The following PRR5L variants were observed in gnomAD, a reference collection of about 807,000 sequenced individuals.
PRR5L encodes proline rich 5 like.
Under a neutral mutation model 36.4 loss-of-function variants are expected in PRR5L, and 21 were observed. The observed-to-expected ratio is 0.58, with a 90% CI of 0.41 to 0.83. The LOEUF is 0.83. PRR5L is among the 40% of genes least tolerant of loss of function. The pLI, the probability that PRR5L is intolerant of heterozygous loss-of-function variation, is 0.00. For missense variants in PRR5L, 381 were observed against 473.3 expected, an observed-to-expected ratio of 0.80 and a Z score of 1.81; for synonymous variants, 188 against 197.0, an observed-to-expected ratio of 0.95 and a Z score of 0.38.
At chr11:36,432,863 A>G (rs1858530340) in intron 5 of PRR5L, among the ~76,000 whole-genome samples, 1 of 152,122 alleles carries the variant, frequency 6.6e-6, no homozygotes, top group Non-Finnish European at 1.5e-5. Context: ...AGGGGCTCCT[A>G]GAAAGACAAA....
At chr11:36,299,062 T>C (rs1856345365) in intron 1 of PRR5L, among the ~76,000 whole-genome samples, 1 of 152,228 alleles carries the variant, frequency 6.6e-6, no homozygotes, top group Non-Finnish European at 1.5e-5. Flanking sequence ...GGAGGATAGT[T>C]GAGGCCACAA....
rs78512042 is a variant in PRR5L at position 36,423,873 on chromosome 11, G to T, written c.294+4570G>T. Among the ~76,000 whole-genome samples, 3 of 152,164 alleles carry T rather than the reference G, an allele frequency of 2.0e-5. No homozygotes were observed. The South Asian group carries it at 6.2e-4, about 32-fold the overall frequency. ...TGGGGTGGCCTAGAAGCTCCCACTG[G>T]CCACTGTGAGGGGCGAGAATGAGGG... is the stretch of plus-strand genomic sequence containing the variant. On this transcript the variant is annotated intron_variant, in intron 4 of 8. Transcript: ENST00000530639.
chr11:36,303,089 C>T (rs1285011379), intron 1 of PRR5L, among the ~76,000 whole-genome samples: 1 of 152,178 alleles, frequency 6.6e-6, no homozygotes, highest in Non-Finnish European at 1.5e-5. Context: ...TGAGTTTAGT[C>T]TCTCTGTGTG....
intron 3 of PRR5L, among the ~76,000 whole-genome samples, chr11:36,414,080 A>T (rs939726140): frequency 2.0e-5 from 3 of 149,978 alleles, no homozygotes; most frequent in African/African-American, 7.5e-5. Flanking sequence ...TCCATGGTGT[A>T]TATGTGCCAC....
chr11:36,374,291 C>T (rs527612673), intron 1 of PRR5L, among the ~76,000 whole-genome samples: 8 of 152,096 alleles, frequency 5.3e-5, no homozygotes, highest in Non-Finnish European at 1.0e-4. Flanking sequence ...GATGGGGTTT[C>T]GCTATGTTGG....
chr11:36,336,977 T>TATAA (rs1345004362), intron 1 of PRR5L, among the ~76,000 whole-genome samples: 7 of 152,156 alleles, frequency 4.6e-5, no homozygotes, highest in African/African-American at 1.7e-4. Flanking sequence ...TACAAACATA[T>TATAA]ATAAATAAAT....
chr11:36,310,778 T>C (rs964337949), intron 1 of PRR5L, among the ~76,000 whole-genome samples: 7 of 151,894 alleles, frequency 4.6e-5, no homozygotes, highest in Non-Finnish European at 8.8e-5. Context: ...GTGGGCAGAT[T>C]ACAAGGTCAG....
intron 5 of PRR5L, among the ~76,000 whole-genome samples, chr11:36,435,554 G>A (rs1858587098): frequency 6.6e-6 from 1 of 152,164 alleles, no homozygotes; most frequent in South Asian, 2.1e-4. Flanking sequence ...AAGGCAGAAG[G>A]GCTAGCATAT....
chr11:36,350,035 G>C (rs1299873132), intron 1 of PRR5L: 1 of 151,986 alleles, frequency 6.6e-6, no homozygotes, highest in Non-Finnish European at 1.5e-5. Flanking sequence ...TGGGAATCCA[G>C]GTTAAAATGT....
At chr11:36,447,538 C>G (rs1467444611) in intron 7 of PRR5L, among the ~76,000 whole-genome samples, 1 of 152,238 alleles carries the variant, frequency 6.6e-6, no homozygotes, top group Non-Finnish European at 1.5e-5. Flanking sequence ...CTCTTCACCT[C>G]TGTAACAAGT....
intron 1 of PRR5L, among the ~76,000 whole-genome samples, chr11:36,376,867 A>G (rs922019928): frequency 6.6e-6 from 1 of 151,948 alleles, no homozygotes; most frequent in African/African-American, 2.4e-5. Context: ...ACCAGGTGGG[A>G]ACTCCTGCAT....
At chr11:36,372,580 C>G (rs1857208074) in intron 1 of PRR5L, among the ~76,000 whole-genome samples, 1 of 152,166 alleles carries the variant, frequency 6.6e-6, no homozygotes, top group Non-Finnish European at 1.5e-5. Context: ...TGTCCGCATC[C>G]CTTGCAAGCT....
chr11:36,299,407 C>T (rs1856349175), intron 1 of PRR5L, among the ~76,000 whole-genome samples: 1 of 152,112 alleles, frequency 6.6e-6, no homozygotes. Context: ...TCCAAAATTC[C>T]TCCTCTACAC....
At chr11:36,405,954 C>A (rs1294180557) in intron 3 of PRR5L, among the ~76,000 whole-genome samples, 1 of 152,186 alleles carries the variant, frequency 6.6e-6, no homozygotes, top group African/African-American at 2.4e-5. Context: ...CTCAAAGGCC[C>A]ATCTCCAAAT....
chr11:36,337,000 A>T (rs1191028363), intron 1 of PRR5L, among the ~76,000 whole-genome samples: 1 of 152,194 alleles, frequency 6.6e-6, no homozygotes, highest in Non-Finnish European at 1.5e-5. Flanking sequence ...ATATCTTTAC[A>T]GTTATCCTGG....
intron 3 of PRR5L, among the ~76,000 whole-genome samples, chr11:36,404,546 G>A (rs143368275): frequency 4.6e-5 from 7 of 152,036 alleles, no homozygotes; most frequent in South Asian, 4.1e-4. Context: ...GATTACAGGC[G>A]TGAGCCACTG....
At chr11:36,383,119 A>G (rs1357075598) in intron 1 of PRR5L, among the ~76,000 whole-genome samples, 2 of 152,198 alleles carry the variant, frequency 1.3e-5, no homozygotes, top group Non-Finnish European at 2.9e-5. Context: ...AGGAATAATA[A>G]TAGTGTCTAC....
chr11:36,309,513 G>A (rs1856472368), intron 1 of PRR5L, among the ~76,000 whole-genome samples: 1 of 151,192 alleles, frequency 6.6e-6, no homozygotes, highest in Non-Finnish European at 1.5e-5. Flanking sequence ...TACATTTAGT[G>A]ATGGGATTTT....
At chr11:36,461,262 T>TG (rs1174973466) in intron 8 of PRR5L, among the ~76,000 whole-genome samples, 4 of 152,266 alleles carry the variant, frequency 2.6e-5, no homozygotes, top group East Asian at 1.9e-4. Flanking sequence ...GGTTCAGTTT[T>TG]GGGGGGGATT....
Sources: allele counts gnomAD v4.1 joint callset (sites outside exome capture counted in the v4.1 genomes callset), GRCh38; gene constraint gnomAD v4.1.1; transcripts MANE v1.5; gene names NCBI Gene and HGNC (gene_info 2026-07-23, HGNC 2026-07-21).